The following SMAP1 variants were observed in gnomAD, a reference collection of about 807,000 sequenced individuals.
SMAP1 encodes the protein stromal membrane-associated protein 1.
SMAP1 carries 24 observed loss-of-function variants against 58.5 expected under a neutral mutation model. That is an observed-to-expected ratio of 0.41 (90% CI 0.30 to 0.58). The LOEUF (loss-of-function observed/expected upper bound fraction) is 0.58, where lower values mean the gene tolerates loss of function less well. SMAP1 is among the 20% of genes least tolerant of loss of function. SMAP1 has a pLI of 0.29. For missense variants in SMAP1, 563 were observed against 566.3 expected (o/e 0.99, Z 0.06); for synonymous variants, 216 against 196.6 (o/e 1.10, Z -0.82).
intron 2 of SMAP1, among the ~76,000 whole-genome samples, chr6:70,749,454 C>T (rs541826118): frequency 1.1e-4 from 17 of 152,308 alleles, no homozygotes; most frequent in Middle Eastern, 3.4e-3. Flanking sequence ...TGGCATCCTT[C>T]TGTTAAACAT....
intron 7 of SMAP1, among the ~76,000 whole-genome samples, chr6:70,850,817 A>G (rs1771155357): frequency 6.6e-6 from 1 of 152,120 alleles, no homozygotes; most frequent in Non-Finnish European, 1.5e-5. Context: ...TTTCTGGCTG[A>G]TATTTATAAT....
Position 70,856,820 on chromosome 6 carries a change from T to G in SMAP1, c.790-39T>G, listed in dbSNP as rs1048467630. ...AAGTAATGGATAAGCTGCGCTTTAC[T>G]ATGCAGAATTTGATAGCTTATTTTG... On this transcript the variant is annotated intron_variant, in intron 8 of 10. Coordinates refer to ENST00000370455, the MANE Select transcript of SMAP1 (RefSeq NM_001044305.3). 1.9e-6 allele frequency: 3 copies of G among 1,550,668 alleles called. No individual in the cohort carries two copies. In the African/African-American group the frequency reaches 4.1e-5, roughly 21 times the overall value.
chr6:70,771,135 C>T (rs567199687), intron 3 of SMAP1, among the ~76,000 whole-genome samples: 8 of 152,230 alleles, frequency 5.3e-5, no homozygotes, highest in African/African-American at 1.7e-4. Context: ...AGTACCCGGC[C>T]GTGTGAAGTG....
At chr6:70,857,142 G>T in intron 9 of SMAP1, 112 bp downstream of exon 9, 1 of 1,086,940 alleles carries the variant, frequency 9.2e-7, no homozygotes, top group South Asian at 2.7e-5. Flanking sequence ...GAGTGCTTTT[G>T]TTGTTGCAGT....
chr6:70,811,286 A>G (rs1769376182), intron 6 of SMAP1, among the ~76,000 whole-genome samples: 1 of 152,144 alleles, frequency 6.6e-6, no homozygotes, highest in East Asian at 1.9e-4. Context: ...AGTGGCCAGG[A>G]GGCTGTTTTG....
intron 1 of SMAP1, among the ~76,000 whole-genome samples, chr6:70,683,919 A>G (rs1370553834): frequency 6.6e-6 from 1 of 152,224 alleles, no homozygotes; most frequent in African/African-American, 2.4e-5. Flanking sequence ...TTGTCAGGTC[A>G]CGTATTAATG....
chr6:70,857,628 G>C (rs1771487174), intron 9 of SMAP1: 1 of 382,786 alleles, frequency 2.6e-6, no homozygotes, highest in Non-Finnish European at 4.8e-6. Context: ...AACAGTGTAT[G>C]ATGTCATGCT....
chr6:70,678,943 G>A (rs746582536), intron 1 of SMAP1, among the ~76,000 whole-genome samples: 5 of 152,074 alleles, frequency 3.3e-5, no homozygotes, highest in Non-Finnish European at 5.9e-5. Flanking sequence ...GGATAGAACA[G>A]GACTTCTTTG....
intron 7 of SMAP1, chr6:70,837,671 T>TC: frequency 1.7e-6 from 1 of 577,182 alleles, no homozygotes; most frequent in Non-Finnish European, 2.3e-6. Context: ...TCTCTCTCTT[T>TC]TTTTTTTTTT....
intron 1 of SMAP1, among the ~76,000 whole-genome samples, chr6:70,715,974 A>C (rs1768252023): frequency 6.6e-6 from 1 of 152,218 alleles, no homozygotes; most frequent in Non-Finnish European, 1.5e-5. Flanking sequence ...TATGAGTGAG[A>C]ACATAATGAT....
chr6:70,688,568 G>A (rs1005547981), intron 1 of SMAP1, among the ~76,000 whole-genome samples: 1 of 152,126 alleles, frequency 6.6e-6, no homozygotes, highest in Non-Finnish European at 1.5e-5. Flanking sequence ...ATCTTTTCAT[G>A]TGCCAGTTTT....
chr6:70,732,118 TATAA>T (rs1765454601), intron 1 of SMAP1, among the ~76,000 whole-genome samples: 1 of 152,190 alleles, frequency 6.6e-6, no homozygotes, highest in African/African-American at 2.4e-5. Context: ...AAGCTGTTTA[TATAA>T]ATTAGTTTTA....
chr6:70,779,693 T>G (rs1214583965), intron 4 of SMAP1, among the ~76,000 whole-genome samples: 1 of 152,178 alleles, frequency 6.6e-6, no homozygotes, highest in Non-Finnish European at 1.5e-5. Context: ...ACTTACTTAC[T>G]GATTCCTACT....
intron 1 of SMAP1, among the ~76,000 whole-genome samples, chr6:70,689,708 T>C (rs1412230362): frequency 6.6e-6 from 1 of 152,210 alleles, no homozygotes; most frequent in Non-Finnish European, 1.5e-5. Flanking sequence ...ACAAAATATA[T>C]CTCTCCAATT....
chr6:70,812,418 G>T (rs1769430450), intron 6 of SMAP1, among the ~76,000 whole-genome samples: 1 of 152,142 alleles, frequency 6.6e-6, no homozygotes, highest in South Asian at 2.1e-4. Context: ...AGAATGTTAG[G>T]ATAAAAATTT....
At chr6:70,798,576 TTACTC>T (rs1768706968) in intron 5 of SMAP1, 76 bp from the exon 6 acceptor site, 12 of 1,021,036 alleles carry the variant, frequency 1.2e-5, no homozygotes, top group Non-Finnish European at 1.7e-5. Flanking sequence ...TTTCAGATGA[TTACTC>T]AAACTAATAA....
At chr6:70,859,355 C>T (rs1367589766) in intron 10 of SMAP1, 6 of 1,548,936 alleles carry the variant, frequency 3.9e-6, no homozygotes, top group Non-Finnish European at 5.2e-6. Flanking sequence ...ATGCTGTTCT[C>T]CAGCACTCCA....
intron 1 of SMAP1, among the ~76,000 whole-genome samples, chr6:70,701,064 G>A (rs1767608037): frequency 6.6e-6 from 1 of 152,162 alleles, no homozygotes. Context: ...GAAGGAAGGA[G>A]TCTCTCCTAG....
intron 3 of SMAP1, among the ~76,000 whole-genome samples, chr6:70,771,140 G>A (rs1767281460): frequency 6.6e-6 from 1 of 152,182 alleles, no homozygotes; most frequent in Non-Finnish European, 1.5e-5. Context: ...CCGGCCGTGT[G>A]AAGTGACAGT....
Sources: allele counts gnomAD v4.1 joint callset (sites outside exome capture counted in the v4.1 genomes callset), GRCh38; gene constraint gnomAD v4.1.1; transcripts MANE v1.5; gene names NCBI Gene and HGNC (gene_info 2026-07-23, HGNC 2026-07-21).